RIMBP2: variants seen among roughly 807,000 people sequenced by gnomAD.
The protein encoded by RIMBP2 is RIMS binding protein 2.
In RIMBP2, 48 loss-of-function variants were observed where a neutral mutation model predicts 118.6. That is an observed-to-expected ratio of 0.40 (90% confidence interval 0.32 to 0.51). RIMBP2 has a LOEUF of 0.51. Among genes scored for constraint, RIMBP2 ranks in the 20% least tolerant of loss-of-function variants. RIMBP2 has a pLI of 0.41. For synonymous variants in RIMBP2, 762 were observed against 742.9 expected, an observed-to-expected ratio of 1.03 and a Z score of -0.42; for missense variants, 1,551 against 1,768.3, an observed-to-expected ratio of 0.88 and a Z score of 2.20.
At chr12:130,604,582 C>CTTTTTTTTTTT (rs777097560) in intron 2 of RIMBP2, among the ~76,000 whole-genome samples, 4,849 of 66,702 alleles carry the variant, frequency 0.073, 1,335 homozygotes, top group Non-Finnish European at 0.086. Context: ...TGCCCCTTTT[C>CTTTTTTTTTTT]TTTCTTTTTT....
chr12:130,641,824 C>T (rs935428470), intron 1 of RIMBP2, among the ~76,000 whole-genome samples: 1 of 152,002 alleles, frequency 6.6e-6, no homozygotes, highest in Admixed American at 6.5e-5. Context: ...GGGTGCCGAG[C>T]GTGGCTGCAC....
chr12:130,694,257 G>A (rs1430757616), intron 1 of RIMBP2, among the ~76,000 whole-genome samples: 1 of 152,152 alleles, frequency 6.6e-6, no homozygotes, highest in Non-Finnish European at 1.5e-5. Flanking sequence ...CCTCAACCAG[G>A]GGAACGAGCC....
chr12:130,715,755 T>TCCC, intron 1 of RIMBP2, among the ~76,000 whole-genome samples: 1 of 133,904 alleles, frequency 7.5e-6, no homozygotes, highest in South Asian at 2.5e-4. Flanking sequence ...CACGTCCCCT[T>TCCC]CCCCCCCTCC....
intron 1 of RIMBP2, among the ~76,000 whole-genome samples, chr12:130,678,863 C>G (rs1411107357): frequency 2.0e-5 from 3 of 152,080 alleles, no homozygotes; most frequent in African/African-American, 7.2e-5. Flanking sequence ...CAGGAAAATC[C>G]ACAGAGGCAG....
chr12:130,480,396 C>T (rs1566114552), intron 4 of RIMBP2, among the ~76,000 whole-genome samples: 1 of 152,136 alleles, frequency 6.6e-6, no homozygotes, highest in Non-Finnish European at 1.5e-5. Flanking sequence ...CCGATGTCTG[C>T]GGCCCCACGG....
At chr12:130,471,006 G>A (rs1405650569) in intron 5 of RIMBP2, among the ~76,000 whole-genome samples, 1 of 152,180 alleles carries the variant, frequency 6.6e-6, no homozygotes, top group Non-Finnish European at 1.5e-5. Flanking sequence ...CTTAGTAGCA[G>A]AAGCATCCCT....
At position 130,622,728 on chromosome 12, in the gene RIMBP2, A is replaced by G. The variant is rs2061391841; in HGVS notation, c.-217+5594T>C. Among the ~76,000 whole-genome samples the G allele has an allele frequency of 6.6e-6, 1 of 152,186 alleles. No homozygotes were observed. The highest frequency in any genetic ancestry group is 1.5e-5 in the Non-Finnish European group (1 of 68,036). On this transcript the variant is annotated intron_variant, in intron 2 of 22. Transcript: ENST00000690449. The surrounding 1 kb of genome is among the most constrained non-coding windows in gnomAD (Gnocchi z 8.5). Reference sequence around the variant, plus strand: ...TGTTTTTGTCTATTTTATTGCCTGTACAACACTCTTGGAAATATTGGGCTA... The same window carrying G: ...TGTTTTTGTCTATTTTATTGCCTGTGCAACACTCTTGGAAATATTGGGCTA...
intron 1 of RIMBP2, among the ~76,000 whole-genome samples, 153 bp downstream of exon 1, chr12:130,716,069 G>A (rs1950308380): frequency 6.6e-6 from 1 of 152,164 alleles, no homozygotes; most frequent in Admixed American, 6.5e-5. Flanking sequence ...ACCCCACGCT[G>A]AAGGGCATTC....
chr12:130,481,463 C>G (rs1161310860), intron 4 of RIMBP2, among the ~76,000 whole-genome samples: 4 of 152,168 alleles, frequency 2.6e-5, no homozygotes, highest in African/African-American at 9.7e-5. Context: ...GGTTCATCTA[C>G]ATTTTTAAGC....
At chr12:130,529,719 G>T (rs532014003) in intron 2 of RIMBP2, among the ~76,000 whole-genome samples, 2 of 152,334 alleles carry the variant, frequency 1.3e-5, no homozygotes, top group South Asian at 4.2e-4. Context: ...TTGGGCACCA[G>T]TGACCAGCTT....
At position 130,445,039 on chromosome 12, in the gene RIMBP2, G is replaced by A. The variant is rs61610169; in HGVS notation, c.691+121C>T. On this transcript the variant is annotated intron_variant, in intron 10 of 22. Coordinates refer to ENST00000690449, the MANE Select transcript of RIMBP2 (RefSeq NM_001393629.1). The stretch of plus-strand genomic sequence containing the variant: ...TACGGAGTGGGGAAGGGTCAGAGAG[G>A]AGGGCTGGGTGGCCAGGAGTATGTT... The A allele has an allele frequency of 0.012, 7,382 of 640,682 alleles. 430 individuals are homozygous for A. In the African/African-American group the frequency reaches 0.12, roughly 10 times the overall value. 39.7% of individuals were successfully genotyped at this position (640,682 alleles called of 1,614,324 possible).
chr12:130,644,373 G>C (rs2062755506), intron 1 of RIMBP2, among the ~76,000 whole-genome samples: 1 of 152,186 alleles, frequency 6.6e-6, no homozygotes, highest in Non-Finnish European at 1.5e-5. Flanking sequence ...CCTTGGTTAA[G>C]AGCACCGTAA....
chr12:130,416,078 G>A (rs2076086035), intron 17 of RIMBP2, among the ~76,000 whole-genome samples: 1 of 152,118 alleles, frequency 6.6e-6, no homozygotes, highest in South Asian at 2.1e-4. Flanking sequence ...GCTGAGAGAA[G>A]TCATAGATCA....
chr12:130,659,502 T>G (rs1374537314), intron 1 of RIMBP2, among the ~76,000 whole-genome samples: 2 of 150,904 alleles, frequency 1.3e-5, no homozygotes, highest in Non-Finnish European at 2.9e-5. Context: ...CCGGGAGGCG[T>G]ATGTTGCAGT....
chr12:130,545,409 A>G (rs548057029), intron 2 of RIMBP2, among the ~76,000 whole-genome samples: 2 of 46,770 alleles, frequency 4.3e-5, no homozygotes, highest in South Asian at 1.5e-3. Context: ...AGGTATTATG[A>G]TAAATTATAA....
At chr12:130,600,529 C>A (rs1466442290) in intron 2 of RIMBP2, among the ~76,000 whole-genome samples, 1 of 151,608 alleles carries the variant, frequency 6.6e-6, no homozygotes, top group East Asian at 1.9e-4. Context: ...TCAGCCCCAA[C>A]AGAACCCCTA....
chr12:130,602,793 A>G, intron 2 of RIMBP2, among the ~76,000 whole-genome samples: 1 of 152,194 alleles, frequency 6.6e-6, no homozygotes, highest in East Asian at 1.9e-4. Flanking sequence ...TTTTAATAGG[A>G]TTTGGTGTTC....
intron 14 of RIMBP2, 83 bp from the exon 15 acceptor site, chr12:130,428,420 C>T: frequency 7.0e-7 from 1 of 1,435,086 alleles, no homozygotes; most frequent in Non-Finnish European, 9.5e-7. Context: ...CCAACCCTTT[C>T]CCTGCTTCGC....
chr12:130,468,099 C>T (rs1177714259), intron 6 of RIMBP2, among the ~76,000 whole-genome samples: 3 of 152,224 alleles, frequency 2.0e-5, no homozygotes, highest in African/African-American at 7.2e-5. Context: ...GAAACCCCCA[C>T]TGCACACCAC....
Sources: gnomAD v4.1 joint callset for allele counts (sites outside exome capture counted in the v4.1 genomes callset) on GRCh38, gnomAD v4.1.1 for gene constraint, Gnocchi (gnomAD v3.1) non-coding constraint, MANE v1.5 for transcripts, NCBI Gene and HGNC (gene_info 2026-07-23, HGNC 2026-07-21) for gene names.